The following LIMS1 variants were observed in gnomAD, a reference collection of about 807,000 sequenced individuals.
LIMS1 encodes the protein LIM zinc finger domain containing 1, also known as LIM and senescent cell antigen-like-containing domain protein 1.
A neutral mutation model predicts 44.1 loss-of-function variants in LIMS1; 18 were observed. The observed-to-expected ratio is 0.41, with a 90% CI of 0.28 to 0.61. LIMS1 has a LOEUF of 0.61. Ranked by LOEUF, LIMS1 falls within the 20% of genes least tolerant of loss-of-function variation. The pLI is 0.32. For synonymous variants in LIMS1, 93 were observed against 149.1 expected (o/e 0.62, Z 2.74); for missense variants, 201 against 422.0 (o/e 0.48, Z 4.59).
intron 1 of LIMS1, among the ~76,000 whole-genome samples, chr2:108,616,819 A>C (rs570454887): frequency 2.0e-5 from 3 of 152,336 alleles, no homozygotes; most frequent in East Asian, 3.9e-4. Context: ...AGCCTAGAGC[A>C]GTCTTGAGAG....
chr2:108,604,434 T>C (rs983361756), intron 1 of LIMS1, among the ~76,000 whole-genome samples: 4 of 152,220 alleles, frequency 2.6e-5, no homozygotes, highest in Non-Finnish European at 4.4e-5. Context: ...ATCTGGCCTT[T>C]TACAGAAGTT....
chr2:108,592,928 T>C (rs1244516220), intron 1 of LIMS1, among the ~76,000 whole-genome samples: 1 of 152,222 alleles, frequency 6.6e-6, no homozygotes, highest in South Asian at 2.1e-4. Context: ...TAACATTCAG[T>C]TGTGGAGGAC....
chr2:108,549,275 G>GTTTCT, intron 1 of LIMS1, among the ~76,000 whole-genome samples: 1 of 86,494 alleles, frequency 1.2e-5, no homozygotes, highest in Non-Finnish European at 2.4e-5. Flanking sequence ...CAAGTAAAGT[G>GTTTCT]TTTCTTTTTT....
intron 1 of LIMS1, among the ~76,000 whole-genome samples, chr2:108,583,669 C>A (rs902577549): frequency 6.6e-6 from 1 of 150,418 alleles, no homozygotes; most frequent in Admixed American, 6.6e-5. Context: ...CTGTGGAAAG[C>A]ATTTATCCTG....
chr2:108,569,764 C>CCTTTTTTTTTTTTTTTTTT lies in LIMS1; in HGVS notation c.32+35170_32+35171insCTTTTTTTTTTTTTTTTTT, dbSNP rs753691810. On this transcript the variant is annotated intron_variant, in intron 1 of 9. Transcript: ENST00000544547. The stretch of plus-strand genomic sequence containing the variant: ...TACAAACACTCACCGCCATATCTGG[C>CCTTTTTTTTTTTTTTTTTT]TTTTTTTTTTTTTTTTTTTAGTGAT... 9.7e-5 allele frequency among the ~76,000 whole-genome samples: 11 copies of CCTTTTTTTTTTTTTTTTTT among 113,124 alleles called. 1 individual carries two copies. The highest frequency in any genetic ancestry group is 2.1e-4 in the Admixed American group (2 of 9,650). The allele number at this position is 113,124 out of a possible 152,430, so 74.2% of individuals were successfully genotyped here. A position where few individuals can be genotyped will look rare whatever the true frequency, so the allele number is the denominator to read the frequency against.
chr2:108,537,838 G>C (rs780298513), intron 1 of LIMS1, among the ~76,000 whole-genome samples: 12 of 152,136 alleles, frequency 7.9e-5, no homozygotes, highest in Non-Finnish European at 1.6e-4. Context: ...TCCTCCTAGA[G>C]AGGGGGACCT....
At chr2:108,538,543 A>C (rs987903403) in intron 1 of LIMS1, among the ~76,000 whole-genome samples, 2 of 152,222 alleles carry the variant, frequency 1.3e-5, no homozygotes, top group African/African-American at 4.8e-5. Context: ...TCAGCACACC[A>C]GGAATCCAGG....
chr2:108,627,583 A>C lies in LIMS1; in HGVS notation c.33-32022A>C, dbSNP rs553600978. On this transcript the variant is annotated intron_variant, in intron 1 of 9. Transcript: ENST00000544547. ...CTTTCCTGTTGGTTTTTAAAAAAGC[A>C]AACAAAATCTTGAAGTCTCAGGTAT... Among the ~76,000 whole-genome samples the C allele has an allele frequency of 1.4e-3, 206 of 152,290 alleles. 1 individual carries two copies. Among genetic ancestry groups the C allele is most frequent in the Admixed American group, 3.1e-3 (48 of 15,290 alleles).
At chr2:108,620,805 G>A (rs1255490002) in intron 1 of LIMS1, among the ~76,000 whole-genome samples, 1 of 152,102 alleles carries the variant, frequency 6.6e-6, no homozygotes, top group Non-Finnish European at 1.5e-5. Flanking sequence ...GAGTGGAGTG[G>A]TAAGGGGGAG....
chr2:108,634,085 C>T (rs1305611340), intron 1 of LIMS1, among the ~76,000 whole-genome samples: 1 of 152,138 alleles, frequency 6.6e-6, no homozygotes, highest in African/African-American at 2.4e-5. Context: ...GAGGATTGTC[C>T]TCAAAGACTC....
chr2:108,562,024 G>A (rs1399568796), intron 1 of LIMS1, among the ~76,000 whole-genome samples: 1 of 152,056 alleles, frequency 6.6e-6, no homozygotes, highest in African/African-American at 2.4e-5. Context: ...TTACAGGCAT[G>A]AGCCACCATG....
chr2:108,601,057 C>G (rs1686989555), intron 1 of LIMS1, among the ~76,000 whole-genome samples: 1 of 152,086 alleles, frequency 6.6e-6, no homozygotes, highest in African/African-American at 2.4e-5. Context: ...CCTCAAGCCT[C>G]CTGAGTAGCT....
In LIMS1 at chr2:108,677,967, T is replaced by G; in HGVS notation, c.775-12T>G. ...CACATCTTGAACTTTGACCACCTTT[T>G]TTTATTTTCAGCTATTTGGTGATGT... On this transcript the variant is annotated splice_polypyrimidine_tract_variant and intron_variant, in intron 7 of 9. Transcript: ENST00000544547. 1 of 1,595,260 alleles carries G rather than the reference T, an allele frequency of 6.3e-7. No homozygotes were observed. Among genetic ancestry groups the G allele is most frequent in the African/African-American group, 1.4e-5 (1 of 73,978 alleles).
chr2:108,552,357 ATATAC>A (rs1054895301), intron 1 of LIMS1, among the ~76,000 whole-genome samples: 6 of 140,370 alleles, frequency 4.3e-5, no homozygotes, highest in African/African-American at 1.0e-4. Flanking sequence ...ATATGAAACT[ATATAC>A]TATACGTATA....
chr2:108,582,268 T>G (rs1351592856), intron 1 of LIMS1, among the ~76,000 whole-genome samples: 1 of 152,216 alleles, frequency 6.6e-6, no homozygotes, highest in East Asian at 1.9e-4. Flanking sequence ...TGTGGAGCAT[T>G]TTTAGTTTAT....
intron 1 of LIMS1, among the ~76,000 whole-genome samples, chr2:108,611,994 TTATATATACACACATA>T (rs1275723294): frequency 7.1e-6 from 1 of 141,298 alleles, no homozygotes. Flanking sequence ...TATACATATA[TTATATATACACACATA>T]TATATATACA....
intron 1 of LIMS1, among the ~76,000 whole-genome samples, chr2:108,650,204 T>TA (rs1403299955): frequency 6.6e-6 from 1 of 152,230 alleles, no homozygotes; most frequent in Non-Finnish European, 1.5e-5. Flanking sequence ...AGAGTGACAT[T>TA]ATTAATTCCT....
At chr2:108,614,432 A>C (rs1384299196) in intron 1 of LIMS1, among the ~76,000 whole-genome samples, 1 of 152,180 alleles carries the variant, frequency 6.6e-6, no homozygotes, top group Non-Finnish European at 1.5e-5. Flanking sequence ...AGAATCTCTT[A>C]GCTTGTATCC....
At chr2:108,637,459 A>C (rs1689356903) in intron 1 of LIMS1, among the ~76,000 whole-genome samples, 1 of 152,196 alleles carries the variant, frequency 6.6e-6, no homozygotes, top group Non-Finnish European at 1.5e-5. Flanking sequence ...GTCCAGGGAG[A>C]TAGCCTTGAC....
Sources: gnomAD v4.1 joint callset for allele counts (sites outside exome capture counted in the v4.1 genomes callset) on GRCh38, gnomAD v4.1.1 for gene constraint, MANE v1.5 for transcripts, NCBI Gene and HGNC (gene_info 2026-07-23, HGNC 2026-07-21) for gene names.